The following PARP8 variants were observed in gnomAD, a reference collection of about 807,000 sequenced individuals.
PARP8 encodes protein mono-ADP-ribosyltransferase PARP8.
In PARP8, 51 loss-of-function variants were observed where a neutral mutation model predicts 124.1. That is an observed-to-expected ratio of 0.41 (90% CI 0.33 to 0.52). PARP8 has a LOEUF of 0.52. Among genes scored for constraint, PARP8 ranks in the 20% least tolerant of loss-of-function variants. The pLI, the probability that PARP8 is intolerant of heterozygous loss-of-function variation, is 0.21. For missense variants in PARP8, 860 were observed against 1,018.9 expected, an observed-to-expected ratio of 0.84 and a Z score of 2.12; for synonymous variants, 391 against 361.5, an observed-to-expected ratio of 1.08 and a Z score of -0.93.
chr5:50,742,504 C>G (rs1283151482), intron 2 of PARP8, among the ~76,000 whole-genome samples: 1 of 151,914 alleles, frequency 6.6e-6, no homozygotes, highest in African/African-American at 2.4e-5. Flanking sequence ...TGGTGGGAGA[C>G]AGAATAAAGG....
Position 50,794,961 on chromosome 5 carries a change from C to T in PARP8, c.972C>T (p.Ser324=), listed in dbSNP as rs1580365149. The T allele has an allele frequency of 2.5e-6, 4 of 1,614,202 alleles. No homozygotes were observed. The South Asian group carries it at 4.4e-5, about 18-fold the overall frequency. ...THKLLRRTCS[S]TVKTDDVCVT... ...AGCTGCTGCGGAGGACTTGTTCCAG[C>T]ACAGTCAAGACTGATGATGTGTGTG... Residue 324 remains serine, a synonymous_variant, in exon 12 of 26, where the codon AGC becomes AGT. Coordinates refer to ENST00000281631, the MANE Select transcript of PARP8 (RefSeq NM_024615.4).
In PARP8 at chr5:50,740,925, A is replaced by G. The variant is rs143903030; in HGVS notation, c.147-9226A>G. On this transcript the variant is annotated intron_variant, in intron 2 of 25. Coordinates refer to ENST00000281631, the MANE Select transcript of PARP8 (RefSeq NM_024615.4). Reference sequence around the variant, plus strand: ...AAGATGCTGAGGGTTGTATCATACTATCGAAGTTCTTTCTAAATATTTGTA... The same window carrying G: ...AAGATGCTGAGGGTTGTATCATACTGTCGAAGTTCTTTCTAAATATTTGTA... Among the ~76,000 whole-genome samples, 25 of 152,268 alleles carry G rather than the reference A, an allele frequency of 1.6e-4. No individual in the cohort carries two copies. In the East Asian group the frequency reaches 3.7e-3, roughly 22 times the overall value.
chr5:50,814,081 A>G (rs1744808933), intron 14 of PARP8, among the ~76,000 whole-genome samples: 1 of 152,092 alleles, frequency 6.6e-6, no homozygotes, highest in Non-Finnish European at 1.5e-5. Context: ...TATGATATCT[A>G]AGGTTTATCT....
intron 11 of PARP8, 36 bp downstream of exon 11, chr5:50,794,368 A>G (rs200164296): frequency 5.3e-4 from 857 of 1,606,696 alleles, no homozygotes; most frequent in Non-Finnish European, 6.6e-4. Flanking sequence ...GTCTTACTGA[A>G]TGCTGAGTGT....
At chr5:50,828,186 C>T in intron 20 of PARP8, 126 bp from the exon 21 acceptor site, 1 of 1,116,456 alleles carries the variant, frequency 9.0e-7, no homozygotes, top group Non-Finnish European at 1.3e-6. Context: ...GTCATGTAGT[C>T]AACTACATAA....
chr5:50,823,290 C>T (rs1349687706), intron 17 of PARP8, among the ~76,000 whole-genome samples: 2 of 152,192 alleles, frequency 1.3e-5, no homozygotes, highest in Non-Finnish European at 2.9e-5. Flanking sequence ...TGTAGGAAGA[C>T]AGTACTCAAA....
At chr5:50,734,647 T>C (rs148510849) in intron 2 of PARP8, among the ~76,000 whole-genome samples, 83 of 152,306 alleles carry the variant, frequency 5.4e-4, no homozygotes, top group African/African-American at 1.8e-3. Flanking sequence ...ATGGCTAATA[T>C]ATATTTTCTA....
rs1048483604 is a variant in PARP8 at position 50,795,505 on chromosome 5, G to C, written c.1428+88G>C. The C allele has an allele frequency of 3.7e-6, 4 of 1,085,686 alleles. No homozygotes were observed. The African/African-American group carries it at 6.5e-5, about 18-fold the overall frequency. 67.3% of individuals were successfully genotyped at this position (1,085,686 alleles called of 1,614,324 possible). A position where few individuals can be genotyped will look rare whatever the true frequency, so the allele number is the denominator to read the frequency against. On this transcript the variant is annotated intron_variant, in intron 12 of 25. Transcript: ENST00000281631. ...TTCTTATAAGATCTGGTGGAGAAAA[G>C]AAGCAAAACTTTGTTTTAATTTACT...
chr5:50,735,974 T>C (rs1757439303), intron 2 of PARP8, among the ~76,000 whole-genome samples: 1 of 140,220 alleles, frequency 7.1e-6, no homozygotes, highest in Non-Finnish European at 1.5e-5. Context: ...CCCCTTTTAT[T>C]AGTGAATGTA....
intron 15 of PARP8, among the ~76,000 whole-genome samples, chr5:50,820,804 AT>A (rs985984134): frequency 1.3e-5 from 2 of 152,044 alleles, no homozygotes; most frequent in African/African-American, 2.4e-5. Flanking sequence ...TGCCTACTTT[AT>A]TTTTTTATAA....
At chr5:50,673,627 G>T (rs1241671926) in intron 2 of PARP8, among the ~76,000 whole-genome samples, 1 of 152,220 alleles carries the variant, frequency 6.6e-6, no homozygotes, top group Non-Finnish European at 1.5e-5. Context: ...AGGGACATTG[G>T]TTGAATTGGC....
chr5:50,840,637 G>A (rs1027368358), intron 25 of PARP8, among the ~76,000 whole-genome samples: 7 of 151,748 alleles, frequency 4.6e-5, no homozygotes, highest in African/African-American at 1.7e-4. Context: ...AAACTTGAAC[G>A]GGGCTGAAAT....
intron 2 of PARP8, among the ~76,000 whole-genome samples, chr5:50,749,023 C>T (rs1223621261): frequency 6.6e-5 from 10 of 152,124 alleles, no homozygotes; most frequent in Non-Finnish European, 1.5e-4. Flanking sequence ...TTTCTGTCTT[C>T]TTCAGATTGG....
chr5:50,676,746 A>G (rs967009988), intron 2 of PARP8, among the ~76,000 whole-genome samples: 3 of 152,218 alleles, frequency 2.0e-5, no homozygotes, highest in African/African-American at 7.2e-5. Flanking sequence ...GAGAGTATCT[A>G]TTTGGTGAAA....
Position 50,800,743 on chromosome 5 carries a change from AT to A in PARP8, c.1575+3513del, listed in dbSNP as rs1224606567. The stretch of plus-strand genomic sequence containing the variant: ...CACTAACAACTATCTGGGCCTGGAG[AT>A]TTCTGTTTTAGATTTTTTTTTTTTT... On this transcript the variant is annotated intron_variant, in intron 14 of 25. Coordinates refer to ENST00000281631, the MANE Select transcript of PARP8 (RefSeq NM_024615.4). 4.7e-5 allele frequency among the ~76,000 whole-genome samples: 7 copies of A among 147,992 alleles called. No individual in the cohort carries two copies. In the East Asian group the frequency reaches 1.4e-3, roughly 30 times the overall value.
Position 50,836,563 on chromosome 5 carries a change from A to G in PARP8, c.2462+1548A>G, listed in dbSNP as rs113670882. ...CCATTGGCCAAAGCCTGCCAGAACT[A>G]GAGAACAATGAAGCTTATTGAGAAA... On this transcript the variant is annotated intron_variant, in intron 25 of 25. Coordinates refer to ENST00000281631, the MANE Select transcript of PARP8 (RefSeq NM_024615.4). Among the ~76,000 whole-genome samples, 340 of 150,126 alleles carry G rather than the reference A, an allele frequency of 2.3e-3. 2 individuals are homozygous for G. Among genetic ancestry groups the G allele is most frequent in the African/African-American group, 7.6e-3 (310 of 40,778 alleles).
In PARP8 at chr5:50,727,008, C is replaced by T. The variant is rs368280886; in HGVS notation, c.147-23143C>T. On this transcript the variant is annotated intron_variant, in intron 2 of 25. Transcript: ENST00000281631. ...ATCTCATGCTATCTGGTAAAGATGA[C>T]ATTTACAGTCATAAATCAAAACCAT... 1.2e-4 allele frequency among the ~76,000 whole-genome samples: 18 copies of T among 152,182 alleles called. No homozygotes were observed. The East Asian group carries it at 3.3e-3, about 28-fold the overall frequency.
chr5:50,757,131 C>T (rs1760051910), intron 3 of PARP8: 2 of 455,274 alleles, frequency 4.4e-6, no homozygotes, highest in Non-Finnish European at 8.8e-6. Context: ...ATTGTGAATA[C>T]TGCCACAATG....
At chr5:50,769,272 G>A (rs1029063808) in intron 7 of PARP8, among the ~76,000 whole-genome samples, 1 of 149,946 alleles carries the variant, frequency 6.7e-6, no homozygotes, top group South Asian at 2.1e-4. Context: ...GATAAGGGTC[G>A]TACTGATTTT....
Sources: allele counts gnomAD v4.1 joint callset (sites outside exome capture counted in the v4.1 genomes callset), GRCh38; gene constraint gnomAD v4.1.1; transcripts MANE v1.5; gene names NCBI Gene and HGNC (gene_info 2026-07-23, HGNC 2026-07-21).